Variants in ASIC2 observed in about 807,000 individuals in gnomAD.
ASIC2 encodes acid-sensing ion channel 2.
ASIC2 carries 25 observed loss-of-function variants against 57.3 expected under a neutral mutation model. The ratio of observed to expected loss-of-function variants is 0.44; its 90% CI spans 0.32 to 0.61. The LOEUF is 0.61. ASIC2 is among the 20% of genes least tolerant of loss of function. The pLI is 0.06. For synonymous variants in ASIC2, 319 were observed against 307.5 expected (o/e 1.04, Z -0.39); for missense variants, 641 against 738.1 (o/e 0.87, Z 1.52).
At chr17:33,808,242 T>G (rs1462444811) in intron 1 of ASIC2, among the ~76,000 whole-genome samples, 1 of 152,266 alleles carries the variant, frequency 6.6e-6, no homozygotes, top group Non-Finnish European at 1.5e-5. Flanking sequence ...ATTCTTTTTT[T>G]GCATGCGAAT....
intron 1 of ASIC2, among the ~76,000 whole-genome samples, chr17:33,761,180 C>T (rs1910766179): frequency 6.6e-6 from 1 of 152,228 alleles, no homozygotes; most frequent in Non-Finnish European, 1.5e-5. Flanking sequence ...CTGCCACCTT[C>T]ATCCCAATCC....
At chr17:33,792,479 G>C (rs1464667809) in intron 1 of ASIC2, 3 of 152,170 alleles carry the variant, frequency 2.0e-5, no homozygotes, top group Non-Finnish European at 2.9e-5. Flanking sequence ...ATGATGATGA[G>C]TTTGCACCAG....
intron 1 of ASIC2, among the ~76,000 whole-genome samples, chr17:33,240,080 T>G (rs77775378): frequency 0.045 from 6,832 of 152,254 alleles, 217 homozygotes; most frequent in East Asian, 0.12. Flanking sequence ...GGATGAGTCT[T>G]CAACCCAGGA....
At chr17:33,544,198 T>C (rs1337772116) in intron 1 of ASIC2, among the ~76,000 whole-genome samples, 4 of 152,204 alleles carry the variant, frequency 2.6e-5, no homozygotes, top group African/African-American at 9.7e-5. Flanking sequence ...ATCCATGTGG[T>C]CGCCTGTGTC....
chr17:33,840,947 G>T (rs1022946680), intron 1 of ASIC2, among the ~76,000 whole-genome samples: 3 of 152,058 alleles, frequency 2.0e-5, no homozygotes, highest in Non-Finnish European at 4.4e-5. Flanking sequence ...CTGATGGACA[G>T]GTATATATAT....
chr17:33,293,011 A>G lies in ASIC2; in HGVS notation c.-896T>C, dbSNP rs9907842. The G allele has an allele frequency of 0.86, 845,886 of 985,486 alleles. 363,336 individuals are homozygous for G. Among genetic ancestry groups the G allele is most frequent in the East Asian group, 1 (8,787 of 8,798 alleles). 61.0% of individuals were successfully genotyped at this position (985,486 alleles called of 1,614,324 possible). A position where few individuals can be genotyped will look rare whatever the true frequency, so the allele number is the denominator to read the frequency against. ...GTGCCTCGCGTCTCCAGAAAAGCCC[A>G]GCCTTGCTGTCTCTCGCGTCTTCTC... On this transcript the variant is annotated 5_prime_UTR_variant, in exon 1 of 10. Coordinates refer to ENST00000225823, the MANE Select transcript of ASIC2 (RefSeq NM_183377.2).
chr17:33,668,272 CTTTTTT>C (rs397856474), intron 1 of ASIC2, among the ~76,000 whole-genome samples: 2 of 61,384 alleles, frequency 3.3e-5, no homozygotes, highest in Non-Finnish European at 7.6e-5. Context: ...ATCAAATGTT[CTTTTTT>C]TTTTTTTTTT....
At chr17:33,340,607 A>T (rs1907684115) in intron 1 of ASIC2, among the ~76,000 whole-genome samples, 1 of 152,090 alleles carries the variant, frequency 6.6e-6, no homozygotes, top group Admixed American at 6.5e-5. Context: ...CTGGGAGATG[A>T]TGTTAAAGAG....
intron 1 of ASIC2, among the ~76,000 whole-genome samples, chr17:33,600,767 T>C (rs1905101155): frequency 6.6e-6 from 1 of 152,050 alleles, no homozygotes; most frequent in Non-Finnish European, 1.5e-5. Context: ...AAAAAAGTCA[T>C]AGGGAAAGCC....
At chr17:33,278,233 A>G (rs1236385355) in intron 1 of ASIC2, among the ~76,000 whole-genome samples, 3 of 147,206 alleles carry the variant, frequency 2.0e-5, no homozygotes, top group Non-Finnish European at 3.0e-5. Context: ...GCATTTATTC[A>G]TATTGGAAGG....
intron 1 of ASIC2, among the ~76,000 whole-genome samples, chr17:34,010,208 C>G (rs991115236): frequency 6.6e-6 from 1 of 152,108 alleles, no homozygotes; most frequent in Non-Finnish European, 1.5e-5. Flanking sequence ...TGGGCTTTAC[C>G]CAGGGCTCAG....
At chr17:33,070,292 C>A (rs1013209225) in intron 3 of ASIC2, among the ~76,000 whole-genome samples, 2 of 151,388 alleles carry the variant, frequency 1.3e-5, no homozygotes, top group Non-Finnish European at 2.9e-5. Context: ...AATATATTTA[C>A]CATTGTAGTT....
intron 1 of ASIC2, among the ~76,000 whole-genome samples, chr17:34,119,804 T>C (rs1473142711): frequency 6.6e-6 from 1 of 152,214 alleles, no homozygotes; most frequent in Non-Finnish European, 1.5e-5. Context: ...GTTATGATTG[T>C]AAACTCTGAG....
chr17:33,095,495 A>G (rs1323965459), intron 2 of ASIC2, among the ~76,000 whole-genome samples: 1 of 152,202 alleles, frequency 6.6e-6, no homozygotes, highest in Non-Finnish European at 1.5e-5. Flanking sequence ...GAAGTGAACA[A>G]ATGTGCACAA....
At chr17:33,391,749 T>C (rs1909898904) in intron 1 of ASIC2, among the ~76,000 whole-genome samples, 1 of 152,256 alleles carries the variant, frequency 6.6e-6, no homozygotes, top group African/African-American at 2.4e-5. Flanking sequence ...TCATCCATGT[T>C]AGTATGAAGA....
intron 1 of ASIC2, among the ~76,000 whole-genome samples, chr17:33,883,249 ATAT>A (rs1408938569): frequency 1.3e-5 from 2 of 152,282 alleles, no homozygotes; most frequent in South Asian, 2.1e-4. Flanking sequence ...TATAATAATA[ATAT>A]TAATAAAAAA....
chr17:33,572,677 C>G (rs1202850635), intron 1 of ASIC2, among the ~76,000 whole-genome samples: 1 of 152,172 alleles, frequency 6.6e-6, no homozygotes, highest in Non-Finnish European at 1.5e-5. Flanking sequence ...GACACCAGGC[C>G]CAGCCGCTTA....
intron 1 of ASIC2, among the ~76,000 whole-genome samples, chr17:33,866,523 TC>T: frequency 6.6e-6 from 1 of 152,288 alleles, no homozygotes; most frequent in South Asian, 2.1e-4. Context: ...TAGGATGAAT[TC>T]CTAGGAGTGA....
chr17:33,452,464 A>T (rs968561988), intron 1 of ASIC2, among the ~76,000 whole-genome samples: 1 of 152,206 alleles, frequency 6.6e-6, no homozygotes, highest in Non-Finnish European at 1.5e-5. Flanking sequence ...CCTGCTTGAA[A>T]GCAATGGAAA....
Sources: gnomAD v4.1 joint callset for allele counts (sites outside exome capture counted in the v4.1 genomes callset) on GRCh38, gnomAD v4.1.1 for gene constraint, MANE v1.5 for transcripts, NCBI Gene and HGNC (gene_info 2026-07-23, HGNC 2026-07-21) for gene names.